Variants in TMEM233 observed in about 807,000 individuals in gnomAD.
TMEM233 encodes the protein transmembrane protein 233.
A neutral mutation model predicts 11.2 loss-of-function variants in TMEM233; 6 were observed. That is an observed-to-expected ratio of 0.54 (90% CI 0.29 to 1.06). The LOEUF is 1.06. Among genes scored for constraint, TMEM233 ranks in the 50% least tolerant of loss-of-function variants. TMEM233 has a pLI of 0.08. For missense variants in TMEM233, 127 were observed against 144.7 expected (o/e 0.88, Z 0.63); for synonymous variants, 59 against 55.8 (o/e 1.06, Z -0.26).
intron 1 of TMEM233, among the ~76,000 whole-genome samples, chr12:119,605,461 T>C (rs1954259570): frequency 1.6e-5 from 2 of 126,404 alleles, no homozygotes; most frequent in Admixed American, 1.0e-4. Flanking sequence ...AGGGCCTCAC[T>C]CTGTTGCACA....
At chr12:119,598,594 C>T (rs1317983790) in intron 1 of TMEM233, among the ~76,000 whole-genome samples, 1 of 152,152 alleles carries the variant, frequency 6.6e-6, no homozygotes, top group East Asian at 1.9e-4. Context: ...ATTGAGACCA[C>T]CACAGATAGC....
Position 119,617,481 on chromosome 12 carries a change from A to G in TMEM233, c.187-12255A>G, listed in dbSNP as rs115166653. Among the ~76,000 whole-genome samples, 918 of 152,326 alleles carry G rather than the reference A, an allele frequency of 6.0e-3. 7 individuals carry two copies. Among genetic ancestry groups the G allele is most frequent in the African/African-American group, 0.021 (872 of 41,568 alleles). On this transcript the variant is annotated intron_variant, in intron 1 of 2. Coordinates refer to ENST00000426426, the MANE Select transcript of TMEM233 (RefSeq NM_001136534.3). Reference sequence around the variant, plus strand: ...AGAAGAAATTTCTACATGGCAAAGCACTAAAGAGGAAGCAGATCATAAAAG... The same window carrying G: ...AGAAGAAATTTCTACATGGCAAAGCGCTAAAGAGGAAGCAGATCATAAAAG...
intron 1 of TMEM233, among the ~76,000 whole-genome samples, chr12:119,618,569 G>T (rs1954581831): frequency 6.6e-6 from 1 of 152,236 alleles, no homozygotes; most frequent in Non-Finnish European, 1.5e-5. Context: ...TCTTACATCA[G>T]TGTGACCTGG....
intron 1 of TMEM233, among the ~76,000 whole-genome samples, chr12:119,616,021 T>C (rs1954524936): frequency 1.3e-5 from 2 of 152,294 alleles, no homozygotes; most frequent in South Asian, 4.1e-4. Flanking sequence ...TTAGGTGTCA[T>C]GTGTCCATCC....
At chr12:119,602,073 A>G (rs1423806781) in intron 1 of TMEM233, among the ~76,000 whole-genome samples, 1 of 152,172 alleles carries the variant, frequency 6.6e-6, no homozygotes, top group Non-Finnish European at 1.5e-5. Flanking sequence ...CCCAAGTCTG[A>G]CCATACCTGC....
chr12:119,599,937 G>A (rs1954126317), intron 1 of TMEM233, among the ~76,000 whole-genome samples: 1 of 152,118 alleles, frequency 6.6e-6, no homozygotes, highest in Non-Finnish European at 1.5e-5. Context: ...TGTTGAACAA[G>A]GAAGCTCCTT....
intron 2 of TMEM233, among the ~76,000 whole-genome samples, chr12:119,630,469 A>C (rs979774202): frequency 6.6e-6 from 1 of 152,244 alleles, no homozygotes; most frequent in Non-Finnish European, 1.5e-5. Context: ...TATGGTCCCG[A>C]TCATGGTCTC....
intron 1 of TMEM233, among the ~76,000 whole-genome samples, chr12:119,627,523 T>C (rs777183523): frequency 4.6e-5 from 7 of 152,180 alleles, no homozygotes; most frequent in Non-Finnish European, 1.0e-4. Context: ...TTGTGTCATG[T>C]GGCAAGACAG....
chr12:119,649,854 T>TAAAAAAAAAAAAAA, the TMEM233 span, among the ~76,000 whole-genome samples: 1 of 91,306 alleles, frequency 1.1e-5, no homozygotes, highest in African/African-American at 4.5e-5. Flanking sequence ...GTTTAACTAT[T>TAAAAAAAAAAAAAA]AAAAAAAAAA....
chr12:119,653,835 T>G, the TMEM233 span, among the ~76,000 whole-genome samples: 2 of 152,142 alleles, frequency 1.3e-5, no homozygotes, highest in African/African-American at 4.8e-5. Flanking sequence ...GTATCAAGCA[T>G]TCTACCATAT....
At chr12:119,622,981 G>T (rs929078220) in intron 1 of TMEM233, among the ~76,000 whole-genome samples, 5 of 152,170 alleles carry the variant, frequency 3.3e-5, no homozygotes, top group African/African-American at 1.2e-4. Context: ...GTGGCAGCAG[G>T]TGATGAACGT....
chr12:119,597,469 TAA>T (rs397724666), intron 1 of TMEM233, among the ~76,000 whole-genome samples: 3 of 146,308 alleles, frequency 2.1e-5, no homozygotes, highest in African/African-American at 7.6e-5. Context: ...TCCAGAATGG[TAA>T]AAAAAAAAAG....
intron 2 of TMEM233, among the ~76,000 whole-genome samples, chr12:119,638,185 C>A (rs1181309200): frequency 6.6e-6 from 1 of 152,162 alleles, no homozygotes; most frequent in Non-Finnish European, 1.5e-5. Flanking sequence ...TGCCGCTGGG[C>A]ACTGTAGTTC....
intron 2 of TMEM233, among the ~76,000 whole-genome samples, chr12:119,638,940 C>A (rs1438315227): frequency 1.3e-5 from 2 of 152,044 alleles, no homozygotes; most frequent in Non-Finnish European, 2.9e-5. Context: ...CATGATCTGG[C>A]TGCCACCTCC....
chr12:119,640,451 T>C (rs1411013376), intron 2 of TMEM233, among the ~76,000 whole-genome samples: 1 of 152,222 alleles, frequency 6.6e-6, no homozygotes, highest in Non-Finnish European at 1.5e-5. Context: ...CCACCATGCC[T>C]GGCCTGTTTT....
At chr12:119,604,738 A>G (rs1279535858) in intron 1 of TMEM233, among the ~76,000 whole-genome samples, 1 of 152,114 alleles carries the variant, frequency 6.6e-6, no homozygotes. Context: ...GGCTCAAGCG[A>G]TACTCACACT....
At chr12:119,616,098 C>T (rs183250791) in intron 1 of TMEM233, among the ~76,000 whole-genome samples, 1 of 152,214 alleles carries the variant, frequency 6.6e-6, no homozygotes, top group African/African-American at 2.4e-5. Flanking sequence ...TTAGCATTTA[C>T]TACAGGAGAG....
chr12:119,604,084 G>T (rs7304294), intron 1 of TMEM233, among the ~76,000 whole-genome samples: 1 of 151,968 alleles, frequency 6.6e-6, no homozygotes, highest in South Asian at 2.1e-4. Context: ...TTCTCAGCTC[G>T]TTAGTTCAGG....
intron 1 of TMEM233, among the ~76,000 whole-genome samples, chr12:119,600,381 G>A (rs1313030410): frequency 4.5e-5 from 4 of 88,470 alleles, no homozygotes; most frequent in Non-Finnish European, 7.3e-5. Flanking sequence ...AAATATGTGG[G>A]TAGATTAAAA....
Sources: gnomAD v4.1 joint callset for allele counts (sites outside exome capture counted in the v4.1 genomes callset) on GRCh38, gnomAD v4.1.1 for gene constraint, MANE v1.5 for transcripts, NCBI Gene and HGNC (gene_info 2026-07-23, HGNC 2026-07-21) for gene names.